REPS1: variants seen among roughly 807,000 people sequenced by gnomAD.
REPS1 encodes the protein ralBP1-associated Eps domain-containing protein 1.
REPS1 carries 39 observed loss-of-function variants against 100.9 expected under a neutral mutation model. The ratio of observed to expected loss-of-function variants is 0.39; its 90% CI spans 0.30 to 0.50. The LOEUF (loss-of-function observed/expected upper bound fraction) is 0.50. Among genes scored for constraint, REPS1 ranks in the 20% least tolerant of loss-of-function variants. The probability of loss-of-function intolerance (pLI) is 0.86; values close to 1 mark genes in which losing one functional copy is unlikely to be tolerated. For missense variants in REPS1, 821 were observed against 968.5 expected, an observed-to-expected ratio of 0.85 and a Z score of 2.02; for synonymous variants, 324 against 340.3, an observed-to-expected ratio of 0.95 and a Z score of 0.53.
At chr6:138,961,287 A>T (rs1480022168) in intron 1 of REPS1, among the ~76,000 whole-genome samples, 1 of 152,050 alleles carries the variant, frequency 6.6e-6, no homozygotes, top group Non-Finnish European at 1.5e-5. Flanking sequence ...CCCAGGCTGG[A>T]GTGCAGTGGC....
chr6:138,911,920 G>A (rs116867937), intron 16 of REPS1, among the ~76,000 whole-genome samples: 4,739 of 152,246 alleles, frequency 0.031, 96 homozygotes, highest in Non-Finnish European at 0.044. Context: ...CCACTGCACC[G>A]AACCTCTAAG....
chr6:138,925,540 C>A (rs1781055486), intron 10 of REPS1, among the ~76,000 whole-genome samples: 1 of 151,984 alleles, frequency 6.6e-6, no homozygotes. Context: ...CGACTTATGT[C>A]ATTTTCTCCA....
rs927899588 is a variant in REPS1 at position 138,912,676 on chromosome 6, G to A, written c.1971+89C>T. The stretch of plus-strand genomic sequence containing the variant: ...TGACCCAGGGAATATTTTACTCACT[G>A]ATGTCCCCTCTAATATCTGCTCTGT... On this transcript the variant is annotated intron_variant, in intron 16 of 19. Transcript: ENST00000450536. 2.5e-6 allele frequency: 3 copies of A among 1,221,330 alleles called. No homozygotes were observed. The African/African-American group carries it at 4.5e-5, about 18-fold the overall frequency. The allele number at this position is 1,221,330 out of a possible 1,614,324, so 75.7% of individuals were successfully genotyped here.
In REPS1 at chr6:138,912,910, C is replaced by A; in HGVS notation, c.1826G>T (p.Gly609Val). ...TGAGGTACTAGTGTGAGTTATGAGG[C>A]CATCGGCATCCACTGGGCGATGCAC... ...PAVHRPVDAD[G>V]LITHTSTSPQ... The change falls in exon 16 of 20, where the codon GGC becomes GTC. Residue 609 changes from glycine to valine, a missense_variant. Coordinates refer to ENST00000450536, the MANE Select transcript of REPS1 (RefSeq NM_001286611.2). 1 of 1,614,064 alleles carries A rather than the reference C, an allele frequency of 6.2e-7. No homozygotes were observed. The highest frequency in any genetic ancestry group is 8.5e-7 in the Non-Finnish European group (1 of 1,179,996).
intron 1 of REPS1, among the ~76,000 whole-genome samples, chr6:138,959,285 C>A (rs1007912570): frequency 1.3e-5 from 2 of 152,126 alleles, no homozygotes; most frequent in African/African-American, 2.4e-5. Context: ...ACGGAAGCTA[C>A]TTCTTATTCC....
Position 138,948,010 on chromosome 6 carries a change from C to G in REPS1, c.154-97G>C, listed in dbSNP as rs1024859435. 15 of 1,097,866 alleles carry G rather than the reference C, an allele frequency of 1.4e-5. 1 individual carries two copies. The Admixed American group carries it at 2.9e-4, about 21-fold the overall frequency. 68.0% of individuals were successfully genotyped at this position (1,097,866 alleles called of 1,614,324 possible). On this transcript the variant is annotated intron_variant, in intron 1 of 19. Transcript: ENST00000450536. Reference sequence around the variant, plus strand: ...ACTTGTTTGTAACGTCTCAAAATATCTATCTAATAGATGGTATAATACTCA... The same window carrying G: ...ACTTGTTTGTAACGTCTCAAAATATGTATCTAATAGATGGTATAATACTCA...
At chr6:138,920,721 C>T (rs1009975686) in intron 11 of REPS1, among the ~76,000 whole-genome samples, 3 of 152,062 alleles carry the variant, frequency 2.0e-5, no homozygotes, top group South Asian at 4.1e-4. Context: ...ATTTCAAAGC[C>T]AAAATTTATT....
intron 1 of REPS1, among the ~76,000 whole-genome samples, chr6:138,980,690 G>GC (rs1784899050): frequency 8.1e-6 from 1 of 123,728 alleles, no homozygotes; most frequent in African/African-American, 2.7e-5. Flanking sequence ...TGGGGCGGGG[G>GC]GGGGGGGGAA....
chr6:138,930,058 A>G lies in REPS1; in HGVS notation c.1176T>C (p.Ser392=), dbSNP rs757793760. 4 of 1,613,558 alleles carry G rather than the reference A, an allele frequency of 2.5e-6. No homozygotes were observed. In the Admixed American group the frequency reaches 6.7e-5, roughly 27 times the overall value. Reference sequence around the variant, plus strand: ...ACTTGCTTGGAGGAGCTTCAGCAGGAGAGCCTGAATAACCTACCTCACCTG... The same window carrying G: ...ACTTGCTTGGAGGAGCTTCAGCAGGGGAGCCTGAATAACCTACCTCACCTG... ...DQPGEVGYSG[S]PAEAPPSKSP... Residue 392 remains serine, a synonymous_variant, in exon 9 of 20, where the codon TCT becomes TCC. Coordinates refer to ENST00000450536, the MANE Select transcript of REPS1 (RefSeq NM_001286611.2).
chr6:138,969,978 A>C (rs980331644), intron 1 of REPS1, among the ~76,000 whole-genome samples: 2 of 150,542 alleles, frequency 1.3e-5, no homozygotes, highest in Non-Finnish European at 2.9e-5. Context: ...CAGTAGGTCA[A>C]TGCAAGGACT....
At chr6:138,930,779 G>A (rs749682376) in intron 8 of REPS1, among the ~76,000 whole-genome samples, 46 of 151,990 alleles carry the variant, frequency 3.0e-4, no homozygotes, top group Non-Finnish European at 7.4e-5. Context: ...CCCCAGCCAC[G>A]GGAAAAAAGC....
At chr6:138,930,142 T>C in intron 8 of REPS1, 44 bp from the exon 9 acceptor site, 1 of 1,538,984 alleles carries the variant, frequency 6.5e-7, no homozygotes, top group Non-Finnish European at 8.9e-7. Context: ...GACTACATTG[T>C]AGTTTATTTT....
In REPS1 at chr6:138,969,859, A is replaced by ATTTT. The variant is rs56070030; in HGVS notation, c.153+17667_153+17670dup. Among the ~76,000 whole-genome samples the ATTTT allele has an allele frequency of 6.2e-3, 590 of 94,608 alleles. 56 individuals are homozygous for ATTTT. The highest frequency in any genetic ancestry group is 0.023 in the African/African-American group (534 of 23,152). The allele number at this position is 94,608 out of a possible 152,430, so 62.1% of individuals were successfully genotyped here. ...AAGAAAGAGGTTACTGTGAATTGGG[A>ATTTT]TTTTTTTTTTTTTTTTTTTTTTTTT... On this transcript the variant is annotated intron_variant, in intron 1 of 19. Coordinates refer to ENST00000450536, the MANE Select transcript of REPS1 (RefSeq NM_001286611.2).
chr6:138,945,147 T>G, intron 4 of REPS1, 72 bp downstream of exon 4: 2 of 1,328,996 alleles, frequency 1.5e-6, no homozygotes, highest in Non-Finnish European at 2.0e-6. Context: ...GGCAGGAGGA[T>G]CATTTGAACC....
chr6:138,920,975 G>T, intron 11 of REPS1, 62 bp downstream of exon 11: 1 of 1,200,270 alleles, frequency 8.3e-7, no homozygotes, highest in Non-Finnish European at 1.2e-6. Context: ...AACCTTGACA[G>T]AATAATTACA....
intron 1 of REPS1, among the ~76,000 whole-genome samples, chr6:138,964,264 T>G (rs1195871710): frequency 6.6e-6 from 1 of 152,110 alleles, no homozygotes; most frequent in East Asian, 1.9e-4. Context: ...TAACTTCCAT[T>G]TTACATTTCA....
At chr6:138,970,598 A>C (rs912207719) in intron 1 of REPS1, among the ~76,000 whole-genome samples, 3 of 152,180 alleles carry the variant, frequency 2.0e-5, no homozygotes, top group African/African-American at 7.2e-5. Context: ...CCTGGCCAAC[A>C]TGGCGAAACC....
intron 1 of REPS1, among the ~76,000 whole-genome samples, chr6:138,958,122 A>G (rs1019663807): frequency 1.3e-5 from 2 of 152,196 alleles, no homozygotes; most frequent in African/African-American, 4.8e-5. Context: ...ACAGAGAAGT[A>G]ACTTGAGTGA....
At chr6:138,956,666 C>G (rs368963848) in intron 1 of REPS1, among the ~76,000 whole-genome samples, 1 of 151,920 alleles carries the variant, frequency 6.6e-6, no homozygotes, top group African/African-American at 2.4e-5. Context: ...CCTGCCCCCT[C>G]AAAAAAAGAT....
Sources: allele counts gnomAD v4.1 joint callset (sites outside exome capture counted in the v4.1 genomes callset), GRCh38; gene constraint gnomAD v4.1.1; transcripts MANE v1.5; gene names NCBI Gene and HGNC (gene_info 2026-07-23, HGNC 2026-07-21).